The following BCL2L1 variants were observed in gnomAD, a reference collection of about 807,000 sequenced individuals.
BCL2L1 encodes the protein BCL2 like 1, also known as bcl-2-like protein 1.
BCL2L1 carries 1 observed loss-of-function variant against 18.7 expected under a neutral mutation model. The ratio of observed to expected loss-of-function variants is 0.05; its 90% CI spans 0.02 to 0.25. The LOEUF (loss-of-function observed/expected upper bound fraction) is 0.25. Ranked by LOEUF, BCL2L1 falls within the 10% of genes least tolerant of loss-of-function variation. The probability of loss-of-function intolerance (pLI) is 1.00; values close to 1 mark genes in which losing one functional copy is unlikely to be tolerated. For synonymous variants in BCL2L1, 103 were observed against 122.7 expected (o/e 0.84, Z 1.06); for missense variants, 207 against 304.9 (o/e 0.68, Z 2.39).
intron 2 of BCL2L1, among the ~76,000 whole-genome samples, chr20:31,693,582 G>C (rs1377196247): frequency 6.6e-6 from 1 of 151,982 alleles, no homozygotes; most frequent in African/African-American, 2.4e-5. Context: ...GCCCACACTG[G>C]AGAACAGTGG....
Position 31,678,570 on chromosome 20 carries a change from T to C in BCL2L1, c.565-12484A>G, listed in dbSNP as rs187290844. 2.0e-5 allele frequency among the ~76,000 whole-genome samples: 3 copies of C among 152,278 alleles called. No individual in the cohort carries two copies. In the East Asian group the frequency reaches 5.8e-4, roughly 29 times the overall value. On this transcript the variant is annotated intron_variant, in intron 2 of 2. Coordinates refer to ENST00000307677, the MANE Select transcript of BCL2L1 (RefSeq NM_138578.3). ...TAGTGTGTAAATTGAGAAGCAACAT[T>C]CTGAAGTAGGAGAACTTGTTGCCAC...
intron 2 of BCL2L1, among the ~76,000 whole-genome samples, chr20:31,685,216 C>CA (rs2060934693): frequency 6.6e-6 from 1 of 151,660 alleles, no homozygotes; most frequent in Admixed American, 6.6e-5. Flanking sequence ...TCCTGGCTAA[C>CA]ACGGTGAAAC....
intron 2 of BCL2L1, among the ~76,000 whole-genome samples, chr20:31,715,560 G>A (rs759573898): frequency 3.0e-4 from 46 of 151,996 alleles, no homozygotes; most frequent in Non-Finnish European, 5.6e-4. Context: ...CTCATTTAGC[G>A]CTTGGCTCAA....
At chr20:31,715,553 A>G (rs1232698213) in intron 2 of BCL2L1, among the ~76,000 whole-genome samples, 1 of 152,096 alleles carries the variant, frequency 6.6e-6, no homozygotes, top group Non-Finnish European at 1.5e-5. Flanking sequence ...TCCTTACCTC[A>G]TTTAGCGCTT....
chr20:31,703,298 G>T (rs2061314139), intron 2 of BCL2L1, among the ~76,000 whole-genome samples: 1 of 151,880 alleles, frequency 6.6e-6, no homozygotes, highest in Non-Finnish European at 1.5e-5. Flanking sequence ...CCGCCTTGGT[G>T]TCCCAATGTG....
chr20:31,721,628 G>C (rs1568906400), intron 2 of BCL2L1, 27 bp downstream of exon 2: 1 of 1,559,126 alleles, frequency 6.4e-7, no homozygotes, highest in Non-Finnish European at 8.7e-7. Flanking sequence ...CCAAAGAAAA[G>C]GGACACACAA....
intron 2 of BCL2L1, among the ~76,000 whole-genome samples, chr20:31,696,135 A>G (rs1339153339): frequency 6.6e-6 from 1 of 152,232 alleles, no homozygotes; most frequent in African/African-American, 2.4e-5. Context: ...CCACTGGGTG[A>G]GAATAGGGAC....
intron 2 of BCL2L1, among the ~76,000 whole-genome samples, chr20:31,668,082 C>T (rs2060613306): frequency 6.6e-6 from 1 of 152,104 alleles, no homozygotes; most frequent in African/African-American, 2.4e-5. Context: ...GAACTTCACT[C>T]CAGTCCCACT....
chr20:31,702,567 G>A (rs2061294726), intron 2 of BCL2L1, among the ~76,000 whole-genome samples: 1 of 151,934 alleles, frequency 6.6e-6, no homozygotes, highest in African/African-American at 2.4e-5. Flanking sequence ...AGGGTGGAGT[G>A]CAATGGTGCG....
intron 2 of BCL2L1, among the ~76,000 whole-genome samples, chr20:31,669,654 G>T (rs945752615): frequency 6.6e-6 from 1 of 151,832 alleles, no homozygotes; most frequent in Non-Finnish European, 1.5e-5. Context: ...TAACCAGGCT[G>T]GTCTCAAACT....
intron 2 of BCL2L1, among the ~76,000 whole-genome samples, chr20:31,707,560 C>T (rs956813529): frequency 6.6e-6 from 1 of 152,060 alleles, no homozygotes; most frequent in Admixed American, 6.6e-5. Context: ...GGACAGATCA[C>T]CTGAGGTCAG....
At chr20:31,674,228 T>C (rs537634749) in intron 2 of BCL2L1, among the ~76,000 whole-genome samples, 1 of 152,362 alleles carries the variant, frequency 6.6e-6, no homozygotes, top group South Asian at 2.1e-4. Context: ...GCACACTTCC[T>C]GAGCACATAC....
intron 2 of BCL2L1, among the ~76,000 whole-genome samples, chr20:31,709,561 C>T (rs1351591782): frequency 6.6e-6 from 1 of 151,924 alleles, no homozygotes; most frequent in Non-Finnish European, 1.5e-5. Flanking sequence ...GAGCCGGGTG[C>T]GGTGGCTCAT....
rs1324814444 is a variant in BCL2L1, at chr20:31,672,807, T to C, written c.565-6721A>G. On this transcript the variant is annotated intron_variant, in intron 2 of 2. Transcript: ENST00000307677. Reference sequence around the variant, plus strand: ...CAGCCAGAGGCTGAAGTATAGTCCCTACTTGAATCTGATCTTTTAGTTCCC... The same window carrying C: ...CAGCCAGAGGCTGAAGTATAGTCCCCACTTGAATCTGATCTTTTAGTTCCC... Among the ~76,000 whole-genome samples, 8 of 151,962 alleles carry C rather than the reference T, an allele frequency of 5.3e-5. 1 individual carries two copies. Among genetic ancestry groups the C allele is most frequent in the Admixed American group, 5.2e-4 (8 of 15,258 alleles).
Position 31,722,353 on chromosome 20 carries a change from AG to A in BCL2L1, c.-130-6del, listed in dbSNP as rs2061649062. 1 of 623,604 alleles carries A rather than the reference AG, an allele frequency of 1.6e-6. No individual in the cohort carries two copies. Among genetic ancestry groups the A allele is most frequent in the South Asian group, 4.9e-5 (1 of 20,296 alleles). The allele number at this position is 623,604 out of a possible 1,614,324, so 38.6% of individuals were successfully genotyped here. ...ATTCTGAAGGGAGAGAAAGAGCTTCAGGAAAAAAAAATAATTAATATGCATG... is the reference window on the plus strand; with the variant it reads ...ATTCTGAAGGGAGAGAAAGAGCTTCAGAAAAAAAAATAATTAATATGCATG... On this transcript the variant is annotated splice_polypyrimidine_tract_variant and splice_region_variant and intron_variant, in intron 1 of 2. Coordinates refer to ENST00000307677, the MANE Select transcript of BCL2L1 (RefSeq NM_138578.3).
chr20:31,688,348 G>A (rs1279106350), intron 2 of BCL2L1, among the ~76,000 whole-genome samples: 1 of 151,368 alleles, frequency 6.6e-6, no homozygotes, highest in Non-Finnish European at 1.5e-5. Context: ...GGAGGCTGAG[G>A]CAGAAGAACT....
intron 2 of BCL2L1, chr20:31,720,649 C>T (rs1409150893): frequency 1.0e-6 from 1 of 983,066 alleles, no homozygotes; most frequent in Non-Finnish European, 1.2e-6. Context: ...CCAAGATTTA[C>T]AATACACTGT....
At chr20:31,697,892 G>GTTTTTTTTTTTTTTTTTTTTTGTTTTTTT (rs199575410) in intron 2 of BCL2L1, among the ~76,000 whole-genome samples, 1 of 129,640 alleles carries the variant, frequency 7.7e-6, no homozygotes. Context: ...TGCTGTTGCT[G>GTTTTTTTTTTTTTTTTTTTTTGTTTTTTT]TTTTTTTTTT....
chr20:31,704,868 T>C (rs2061347130), intron 2 of BCL2L1, among the ~76,000 whole-genome samples: 2 of 152,232 alleles, frequency 1.3e-5, no homozygotes, highest in African/African-American at 4.8e-5. Context: ...GATTGATTAC[T>C]AAAGAAAGAG....
Sources: allele counts gnomAD v4.1 joint callset (sites outside exome capture counted in the v4.1 genomes callset), GRCh38; gene constraint gnomAD v4.1.1; transcripts MANE v1.5; gene names NCBI Gene and HGNC (gene_info 2026-07-23, HGNC 2026-07-21).